Variants in ECT2L observed in about 807,000 individuals in gnomAD.
ECT2L encodes the protein epithelial cell-transforming sequence 2 oncogene-like.
ECT2L carries 126 observed loss-of-function variants against 122.8 expected under a neutral mutation model. The observed-to-expected ratio is 1.03, with a 90% CI of 0.89 to 1.19. ECT2L has a LOEUF of 1.19. Among genes scored for constraint, ECT2L ranks in the 50% most tolerant of loss-of-function variants. The pLI, the probability that ECT2L is intolerant of heterozygous loss-of-function variation, is 0.00. For synonymous variants in ECT2L, 385 were observed against 381.8 expected (o/e 1.01, Z -0.10); for missense variants, 1,012 against 1,064.1 (o/e 0.95, Z 0.68).
chr6:138,847,399 C>T (rs1293492823), intron 8 of ECT2L, among the ~76,000 whole-genome samples: 1 of 89,750 alleles, frequency 1.1e-5, no homozygotes, highest in Non-Finnish European at 1.9e-5. Context: ...GAGATGGAGT[C>T]TCACTCTGTC....
rs1211167131 is a variant in ECT2L at position 138,901,014 on chromosome 6, G to C, written c.2481G>C (p.Arg827=). The C allele has an allele frequency of 1.9e-6, 3 of 1,614,056 alleles. No individual in the cohort carries two copies. The highest frequency in any genetic ancestry group is 2.5e-6 in the Non-Finnish European group (3 of 1,180,010). Reference sequence around the variant, plus strand: ...ATGATGCCCTGCTCGTTTCTAGTCGGGGCACATCTCACACTCCATTTGAGA... The same window carrying C: ...ATGATGCCCTGCTCGTTTCTAGTCGCGGCACATCTCACACTCCATTTGAGA... ...LFNDALLVSS[R]GTSHTPFERT... is the part of the protein sequence containing the mutation. Residue 827 remains arginine (R), a synonymous_variant, in exon 21 of 22, where the codon CGG becomes CGC. Transcript: ENST00000541398.
intron 4 of ECT2L, among the ~76,000 whole-genome samples, chr6:138,824,056 C>T (rs886120728): frequency 2.0e-5 from 3 of 151,202 alleles, no homozygotes; most frequent in African/African-American, 2.4e-5. Flanking sequence ...TCTGCTGTAA[C>T]GAAGAAGAGC....
At chr6:138,882,328 T>C (rs776749359) in intron 15 of ECT2L, among the ~76,000 whole-genome samples, 2 of 152,156 alleles carry the variant, frequency 1.3e-5, no homozygotes, top group Non-Finnish European at 2.9e-5. Context: ...TTCTTAGAGC[T>C]CTGGGGAACT....
chr6:138,858,384 C>G (rs755476086), intron 10 of ECT2L, among the ~76,000 whole-genome samples: 1 of 152,148 alleles, frequency 6.6e-6, no homozygotes, highest in Non-Finnish European at 1.5e-5. Context: ...ACAGTTACTG[C>G]ATAAGCCAAA....
chr6:138,837,664 T>TA (rs1776887881), intron 4 of ECT2L, among the ~76,000 whole-genome samples: 1 of 151,136 alleles, frequency 6.6e-6, no homozygotes, highest in South Asian at 2.1e-4. Context: ...AAACAACAAT[T>TA]AAAAAAACCC....
At chr6:138,901,865 C>G (rs1779407174) in intron 21 of ECT2L, among the ~76,000 whole-genome samples, 2 of 152,112 alleles carry the variant, frequency 1.3e-5, no homozygotes, top group South Asian at 4.2e-4. Flanking sequence ...ACAGAAGTAC[C>G]AAACTAAATA....
At chr6:138,858,043 A>G (rs1340204146) in intron 10 of ECT2L, among the ~76,000 whole-genome samples, 2 of 152,212 alleles carry the variant, frequency 1.3e-5, no homozygotes, top group Middle Eastern at 6.8e-3. Flanking sequence ...AGGATGGGGG[A>G]GATTGCCCCC....
intron 10 of ECT2L, among the ~76,000 whole-genome samples, chr6:138,858,570 T>C (rs1431331810): frequency 6.6e-6 from 1 of 152,062 alleles, no homozygotes; most frequent in Non-Finnish European, 1.5e-5. Flanking sequence ...AATGAACATA[T>C]TCACTACCCC....
intron 4 of ECT2L, among the ~76,000 whole-genome samples, chr6:138,815,489 TA>T (rs558509618): frequency 4.6e-5 from 7 of 152,304 alleles, no homozygotes; most frequent in Admixed American, 1.3e-4. Context: ...CAATGCCAGA[TA>T]AAAAGCCTTA....
intron 13 of ECT2L, 73 bp downstream of exon 13, chr6:138,868,279 A>T: frequency 7.2e-7 from 1 of 1,386,530 alleles, no homozygotes; most frequent in South Asian, 1.3e-5. Context: ...GTTATTATTA[A>T]TTTTTTTGAC....
intron 1 of ECT2L, among the ~76,000 whole-genome samples, chr6:138,802,101 C>A (rs1459218494): frequency 6.6e-6 from 1 of 152,190 alleles, no homozygotes; most frequent in Non-Finnish European, 1.5e-5. Context: ...AAGTGAGTTG[C>A]CATTTTGTGA....
In ECT2L at chr6:138,814,572, A is replaced by AT. The variant is rs564571320; in HGVS notation, c.155dup (p.Leu52PhefsTer5). 393 of 1,611,900 alleles carry AT rather than the reference A, an allele frequency of 2.4e-4. 1 individual carries two copies. The highest frequency in any genetic ancestry group is 1.8e-4 in the Non-Finnish European group (214 of 1,178,578). ...GCAACGTCAAGAATTCTTATTCGCA[A>AT]TTTTTTTAAGATGCACTAAATCACA... On this transcript the variant is annotated frameshift_variant, in exon 4 of 22. Transcript: ENST00000541398. LOFTEE classifies it high-confidence loss of function.
At chr6:138,810,089 T>G (rs1775841163) in intron 1 of ECT2L, among the ~76,000 whole-genome samples, 1 of 152,222 alleles carries the variant, frequency 6.6e-6, no homozygotes, top group Non-Finnish European at 1.5e-5. Context: ...TAGAATAAGT[T>G]TATTACTACA....
chr6:138,798,752 G>A (rs935789316), intron 1 of ECT2L, among the ~76,000 whole-genome samples: 3 of 152,190 alleles, frequency 2.0e-5, no homozygotes, highest in Non-Finnish European at 4.4e-5. Flanking sequence ...GCCTAAGATG[G>A]ACTCTGTACT....
chr6:138,840,207 C>T (rs1776989695), intron 5 of ECT2L, among the ~76,000 whole-genome samples: 1 of 151,800 alleles, frequency 6.6e-6, no homozygotes, highest in Non-Finnish European at 1.5e-5. Flanking sequence ...GCTGAGGAAG[C>T]TGAGGAAGAG....
At chr6:138,835,932 T>C (rs1776819629) in intron 4 of ECT2L, among the ~76,000 whole-genome samples, 1 of 152,220 alleles carries the variant, frequency 6.6e-6, no homozygotes, top group Non-Finnish European at 1.5e-5. Context: ...TCCTTGTCTC[T>C]TATGACTTGA....
At chr6:138,868,008 A>AAAAAAG (rs1236307139) in intron 12 of ECT2L, 95 bp from the exon 13 acceptor site, 1 of 777,886 alleles carries the variant, frequency 1.3e-6, no homozygotes, top group Admixed American at 3.7e-5. Context: ...TCAAAAAAAA[A>AAAAAAG]AAAAAAAAAA....
At chr6:138,828,053 G>A (rs1364558807) in intron 4 of ECT2L, among the ~76,000 whole-genome samples, 1 of 151,924 alleles carries the variant, frequency 6.6e-6, no homozygotes, top group African/African-American at 2.4e-5. Flanking sequence ...ATTTACATTA[G>A]GTATATCTCC....
chr6:138,830,859 C>T (rs58738355), intron 4 of ECT2L, among the ~76,000 whole-genome samples: 10,526 of 152,164 alleles, frequency 0.069, 675 homozygotes, highest in East Asian at 0.27. Flanking sequence ...GCACTTGATC[C>T]ATACCCAGGC....
Sources: gnomAD v4.1 joint callset for allele counts (sites outside exome capture counted in the v4.1 genomes callset) on GRCh38, gnomAD v4.1.1 for gene constraint, MANE v1.5 for transcripts, NCBI Gene and HGNC (gene_info 2026-07-23, HGNC 2026-07-21) for gene names.